The following PLPP1 variants were observed in gnomAD, a reference collection of about 807,000 sequenced individuals.
PLPP1 encodes the protein phospholipid phosphatase 1, also known as lipid phosphate phosphohydrolase 1a.
A neutral mutation model predicts 31.2 loss-of-function variants in PLPP1; 24 were observed. The ratio of observed to expected loss-of-function variants is 0.77; its 90% CI spans 0.56 to 1.08. The LOEUF (loss-of-function observed/expected upper bound fraction) is 1.08. PLPP1 is among the 50% of genes least tolerant of loss of function. The probability of loss-of-function intolerance (pLI) is 0.00; values close to 1 mark genes in which losing one functional copy is unlikely to be tolerated. For missense variants in PLPP1, 319 were observed against 342.7 expected, an observed-to-expected ratio of 0.93 and a Z score of 0.55; for synonymous variants, 146 against 126.3, an observed-to-expected ratio of 1.16 and a Z score of -1.05.
At chr5:55,498,419 AACAC>A (rs371878208) in intron 1 of PLPP1, among the ~76,000 whole-genome samples, 7 of 150,690 alleles carry the variant, frequency 4.6e-5, no homozygotes, top group South Asian at 2.1e-4. Context: ...GTGTATCTAA[AACAC>A]ACACACACAC....
At chr5:55,502,148 A>G (rs1222219534) in intron 1 of PLPP1, among the ~76,000 whole-genome samples, 1 of 152,200 alleles carries the variant, frequency 6.6e-6, no homozygotes. Context: ...AAGAAAATAC[A>G]TAATTTTATC....
chr5:55,450,362 A>G (rs775751118), intron 3 of PLPP1, among the ~76,000 whole-genome samples: 7 of 151,782 alleles, frequency 4.6e-5, no homozygotes, highest in Admixed American at 2.6e-4. Context: ...CACAGTAGGT[A>G]TGTGTGTAGG....
intron 3 of PLPP1, among the ~76,000 whole-genome samples, chr5:55,457,810 A>G (rs1752053699): frequency 6.7e-6 from 1 of 149,246 alleles, no homozygotes; most frequent in Admixed American, 6.8e-5. Flanking sequence ...AATCGCTTGA[A>G]CCCGGGAGGC....
intron 1 of PLPP1, among the ~76,000 whole-genome samples, chr5:55,478,156 T>G (rs4146200): frequency 3.3e-5 from 5 of 152,288 alleles, no homozygotes; most frequent in Non-Finnish European, 7.4e-5. Flanking sequence ...TAAGGGGTTT[T>G]GTTCCCCCCT....
Position 55,500,170 on chromosome 5 carries a change from C to G in PLPP1, c.59-24720G>C, listed in dbSNP as rs1338793584. Among the ~76,000 whole-genome samples the G allele has an allele frequency of 2.6e-5, 4 of 150,964 alleles. No homozygotes were observed. In the Admixed American group the frequency reaches 2.7e-4, roughly 10 times the overall value. On this transcript the variant is annotated intron_variant, in intron 1 of 5. Coordinates refer to ENST00000307259, the MANE Select transcript of PLPP1 (RefSeq NM_003711.4). Reference sequence around the variant, plus strand: ...TCTCGGCTCACTACAAGCTCCACTTCCCGGGTTCACACCATTCTCCTACCT... The same window carrying G: ...TCTCGGCTCACTACAAGCTCCACTTGCCGGGTTCACACCATTCTCCTACCT...
At chr5:55,534,125 T>C (rs1394141461) in intron 1 of PLPP1, among the ~76,000 whole-genome samples, 1 of 152,202 alleles carries the variant, frequency 6.6e-6, no homozygotes, top group Non-Finnish European at 1.5e-5. Flanking sequence ...TAGCCTTTTA[T>C]AGCCGAAATA....
At chr5:55,451,095 G>C (rs1751882383) in intron 3 of PLPP1, among the ~76,000 whole-genome samples, 1 of 152,114 alleles carries the variant, frequency 6.6e-6, no homozygotes, top group African/African-American at 2.4e-5. Context: ...TGCAGATAAT[G>C]AAATCATCAC....
intron 1 of PLPP1, among the ~76,000 whole-genome samples, chr5:55,488,835 G>A (rs1752829093): frequency 6.6e-6 from 1 of 152,056 alleles, no homozygotes; most frequent in South Asian, 2.1e-4. Flanking sequence ...CATGTTGCCA[G>A]GTGGCCAACA....
In PLPP1 at chr5:55,468,055, A is replaced by G; in HGVS notation, c.305T>C (p.Ile102Thr). The G allele has an allele frequency of 1.9e-6, 3 of 1,614,170 alleles. No individual in the cohort carries two copies. Among genetic ancestry groups the G allele is most frequent in the Non-Finnish European group, 2.5e-6 (3 of 1,180,004 alleles). Residue 102 changes from isoleucine (I) to threonine (T), a missense_variant, in exon 3 of 6, where the codon ATT (isoleucine) becomes ACT (threonine). Coordinates refer to ENST00000307259, the MANE Select transcript of PLPP1 (RefSeq NM_003711.4). ...AGCTGCACCAAATAAAAAGGTTCCA[A>G]TGGCTTTGTAAATAGTGGCTATGTA... ...NNYIATIYKA[I>T]GTFLFGAAAS...
At chr5:55,463,982 C>G (rs992498372) in intron 3 of PLPP1, among the ~76,000 whole-genome samples, 6 of 150,884 alleles carry the variant, frequency 4.0e-5, no homozygotes, top group African/African-American at 1.5e-4. Flanking sequence ...GTTAACATTT[C>G]AAAAATGACA....
At chr5:55,487,236 T>A (rs1036558757) in intron 1 of PLPP1, among the ~76,000 whole-genome samples, 1 of 152,156 alleles carries the variant, frequency 6.6e-6, no homozygotes, top group Non-Finnish European at 1.5e-5. Flanking sequence ...GGATTTGAGA[T>A]TTAATACTAA....
intron 1 of PLPP1, among the ~76,000 whole-genome samples, chr5:55,497,829 G>T (rs1291580960): frequency 6.6e-6 from 1 of 150,638 alleles, no homozygotes; most frequent in Non-Finnish European, 1.5e-5. Context: ...CATGATATGA[G>T]CCATGCCCTC....
intron 2 of PLPP1, among the ~76,000 whole-genome samples, chr5:55,473,948 C>A (rs1474840005): frequency 6.6e-6 from 1 of 151,570 alleles, no homozygotes; most frequent in African/African-American, 2.4e-5. Flanking sequence ...GGATTACAGG[C>A]GTGAGCCACC....
chr5:55,525,125 ATT>A (rs1753752684), intron 1 of PLPP1, among the ~76,000 whole-genome samples: 1 of 152,254 alleles, frequency 6.6e-6, no homozygotes, highest in African/African-American at 2.4e-5. Flanking sequence ...CATGAGAAAC[ATT>A]TTAAAGTTTG....
chr5:55,518,398 C>G lies in PLPP1; in HGVS notation c.58+16174G>C, dbSNP rs1271576537. Among the ~76,000 whole-genome samples the G allele has an allele frequency of 4.0e-5, 6 of 151,812 alleles. No homozygotes were observed. In the East Asian group the frequency reaches 9.7e-4, roughly 25 times the overall value. On this transcript the variant is annotated intron_variant, in intron 1 of 5. Transcript: ENST00000307259. The stretch of plus-strand genomic sequence containing the variant: ...TGATAAGAAAAAAAAAATTGACACC[C>G]AGCTGGGGCCTCAGCCTCCCAAAGT...
intron 1 of PLPP1, among the ~76,000 whole-genome samples, chr5:55,489,816 C>G (rs1752849428): frequency 6.6e-6 from 1 of 152,096 alleles, no homozygotes. Flanking sequence ...AGTCATATAT[C>G]TAGGAAAGGC....
At chr5:55,491,008 G>C in intron 1 of PLPP1, 12 of 1,613,316 alleles carry the variant, frequency 7.4e-6, no homozygotes, top group Non-Finnish European at 1.0e-5. Flanking sequence ...CAGTGGATGT[G>C]ACGGTACTGT....
chr5:55,534,850 C>T lies in PLPP1; in HGVS notation c.-221G>A, dbSNP rs1359760437. 3.8e-6 allele frequency: 2 copies of T among 528,646 alleles called. No individual in the cohort carries two copies. Among genetic ancestry groups the T allele is most frequent in the African/African-American group, 2.0e-5 (1 of 48,960 alleles). The allele number at this position is 528,646 out of a possible 1,614,324, so 32.7% of individuals were successfully genotyped here. The stretch of plus-strand genomic sequence containing the variant: ...TCCCCTCACAGCCCCCGCGAACACT[C>T]GGTTAGTGCCGAGGCGCTCGTGTGC... On this transcript the variant is annotated 5_prime_UTR_variant, in exon 1 of 6. Transcript: ENST00000307259.
At position 55,513,419 on chromosome 5, in the gene PLPP1, C is replaced by T. The variant is rs1337704298; in HGVS notation, c.58+21153G>A. On this transcript the variant is annotated intron_variant, in intron 1 of 5. Transcript: ENST00000307259. ...GGGACTACAGGCAGGTACCACCACA[C>T]CTGGCTAATTTTTGTATTTTTTTTC... Among the ~76,000 whole-genome samples the T allele has an allele frequency of 2.6e-5, 4 of 152,048 alleles. No individual in the cohort carries two copies. In the South Asian group the frequency reaches 6.2e-4, roughly 24 times the overall value.
Sources: allele counts gnomAD v4.1 joint callset (sites outside exome capture counted in the v4.1 genomes callset), GRCh38; gene constraint gnomAD v4.1.1; transcripts MANE v1.5; gene names NCBI Gene and HGNC (gene_info 2026-07-23, HGNC 2026-07-21).